Variants in AGBL4 observed in about 807,000 individuals in gnomAD.
AGBL4 encodes the protein cytosolic carboxypeptidase 6.
In AGBL4, 58 loss-of-function variants were observed where a neutral mutation model predicts 66.4. The observed-to-expected ratio is 0.87, with a 90% CI of 0.71 to 1.09. The LOEUF (loss-of-function observed/expected upper bound fraction) is 1.09. Among genes scored for constraint, AGBL4 ranks in the 50% least tolerant of loss-of-function variants. The probability of loss-of-function intolerance (pLI) is 0.00; values close to 1 mark genes in which losing one functional copy is unlikely to be tolerated. For missense variants in AGBL4, 579 were observed against 631.0 expected (o/e 0.92, Z 0.88); for synonymous variants, 234 against 222.9 (o/e 1.05, Z -0.44).
chr1:49,601,871 G>C (rs1270587593), intron 3 of AGBL4, among the ~76,000 whole-genome samples: 1 of 152,088 alleles, frequency 6.6e-6, no homozygotes, highest in Non-Finnish European at 1.5e-5. Context: ...TTAAACTAAA[G>C]AGCTTCTGCA....
At chr1:48,989,212 T>C (rs1660418622) in intron 5 of AGBL4, among the ~76,000 whole-genome samples, 1 of 152,120 alleles carries the variant, frequency 6.6e-6, no homozygotes, top group African/African-American at 2.4e-5. Context: ...CCTTCATTCT[T>C]TTCTTTTAAT....
intron 3 of AGBL4, among the ~76,000 whole-genome samples, chr1:49,249,459 A>G (rs1651881884): frequency 6.6e-6 from 1 of 152,236 alleles, no homozygotes; most frequent in Admixed American, 6.5e-5. Flanking sequence ...GACAATAGGT[A>G]TATGAAAACA....
chr1:49,278,091 A>T (rs1553176378), intron 3 of AGBL4, among the ~76,000 whole-genome samples: 1 of 152,232 alleles, frequency 6.6e-6, no homozygotes, highest in Non-Finnish European at 1.5e-5. Context: ...AACCATGAGA[A>T]GTTGCCCAAG....
chr1:48,640,891 C>T (rs1003392622), intron 8 of AGBL4, among the ~76,000 whole-genome samples: 3 of 152,150 alleles, frequency 2.0e-5, no homozygotes, highest in African/African-American at 7.2e-5. Flanking sequence ...TCGCTATTCG[C>T]AATAATGGCA....
chr1:49,757,172 C>T (rs1401418046), intron 2 of AGBL4, among the ~76,000 whole-genome samples: 2 of 152,150 alleles, frequency 1.3e-5, no homozygotes, highest in African/African-American at 4.8e-5. Flanking sequence ...ACTTCTCTCT[C>T]CTGCTATCAT....
chr1:48,721,377 G>A (rs1285588524), intron 6 of AGBL4, among the ~76,000 whole-genome samples: 3 of 152,188 alleles, frequency 2.0e-5, no homozygotes, highest in Non-Finnish European at 4.4e-5. Context: ...AATGAGAAAT[G>A]CTGAGGAAAT....
chr1:49,232,377 C>T (rs1291709158), intron 4 of AGBL4, among the ~76,000 whole-genome samples: 3 of 151,990 alleles, frequency 2.0e-5, no homozygotes, highest in African/African-American at 7.2e-5. Context: ...ACTTTGGACT[C>T]AAGAAGAATA....
intron 6 of AGBL4, among the ~76,000 whole-genome samples, chr1:48,848,812 G>A (rs927342837): frequency 4.6e-5 from 7 of 152,162 alleles, no homozygotes; most frequent in Admixed American, 1.3e-4. Context: ...AAATGTCAAC[G>A]TTCAATGGAG....
rs895987031 is a variant in AGBL4 at position 49,324,954 on chromosome 1, T to G, written c.283-79090A>C. Among the ~76,000 whole-genome samples the G allele has an allele frequency of 3.9e-5, 6 of 152,366 alleles. No homozygotes were observed. The South Asian group carries it at 1.0e-3, about 26-fold the overall frequency. On this transcript the variant is annotated intron_variant, in intron 3 of 13. Coordinates refer to ENST00000371839, the MANE Select transcript of AGBL4 (RefSeq NM_032785.4). The stretch of plus-strand genomic sequence containing the variant: ...AGAGAAAAAAGGAGGAATATTGTCA[T>G]GTTGACTTATACAAATAATCTCAAG...
chr1:49,542,895 T>C (rs1414137842), intron 3 of AGBL4, among the ~76,000 whole-genome samples: 2 of 16,606 alleles, frequency 1.2e-4, no homozygotes, highest in African/African-American at 3.6e-4. Flanking sequence ...TAAGACTCCA[T>C]CAAAAAAAAA....
intron 6 of AGBL4, among the ~76,000 whole-genome samples, chr1:48,844,622 C>G (rs761222314): frequency 1.3e-5 from 2 of 152,178 alleles, no homozygotes; most frequent in Non-Finnish European, 1.5e-5. Context: ...AGAACACTCT[C>G]CCATCTCCAG....
At chr1:49,594,896 T>C (rs1196849145) in intron 3 of AGBL4, among the ~76,000 whole-genome samples, 2 of 152,200 alleles carry the variant, frequency 1.3e-5, no homozygotes, top group African/African-American at 2.4e-5. Flanking sequence ...AGTAATGGGA[T>C]TGCTAGGTCA....
intron 4 of AGBL4, among the ~76,000 whole-genome samples, chr1:49,099,436 T>C (rs1571444668): frequency 6.6e-6 from 1 of 152,128 alleles, no homozygotes; most frequent in Admixed American, 6.5e-5. Context: ...TAACTACCAA[T>C]AGGACCTTAT....
At chr1:49,374,160 G>A (rs1474354163) in intron 3 of AGBL4, 1 of 151,910 alleles carries the variant, frequency 6.6e-6, no homozygotes, top group Non-Finnish European at 1.5e-5. Flanking sequence ...TGAGTCAAAT[G>A]AGTAGTTTCC....
chr1:49,703,874 T>G (rs1316978010), intron 2 of AGBL4, among the ~76,000 whole-genome samples: 1 of 151,990 alleles, frequency 6.6e-6, no homozygotes, highest in East Asian at 1.9e-4. Flanking sequence ...TAAATAAATT[T>G]AGCAAAGTCA....
chr1:48,621,375 CAATGGACTCT>C (rs1232897600), intron 9 of AGBL4, among the ~76,000 whole-genome samples: 8 of 152,116 alleles, frequency 5.3e-5, no homozygotes, highest in Non-Finnish European at 1.2e-4. Flanking sequence ...TAGAACCAGG[CAATGGACTCT>C]AATGAGTTTT....
At chr1:49,626,832 C>A (rs927058597) in intron 3 of AGBL4, among the ~76,000 whole-genome samples, 1 of 152,092 alleles carries the variant, frequency 6.6e-6, no homozygotes, top group African/African-American at 2.4e-5. Context: ...GATAATAAAG[C>A]CTGGGGATAT....
intron 6 of AGBL4, among the ~76,000 whole-genome samples, chr1:48,729,392 G>T (rs1002407819): frequency 6.6e-6 from 1 of 152,064 alleles, no homozygotes; most frequent in Non-Finnish European, 1.5e-5. Context: ...TGTAATAATG[G>T]GCAAAACCCT....
intron 5 of AGBL4, among the ~76,000 whole-genome samples, chr1:48,916,537 G>C (rs74520124): frequency 1.3e-5 from 2 of 150,036 alleles, no homozygotes; most frequent in African/African-American, 4.9e-5. Flanking sequence ...TCCGTTTTTT[G>C]TGTGTGTGTG....
Sources: allele counts gnomAD v4.1 joint callset (sites outside exome capture counted in the v4.1 genomes callset), GRCh38; gene constraint gnomAD v4.1.1; transcripts MANE v1.5; gene names NCBI Gene and HGNC (gene_info 2026-07-23, HGNC 2026-07-21).